Variants in GPM6A observed in about 807,000 individuals in gnomAD.
GPM6A encodes the protein glycoprotein M6A.
Under a neutral mutation model 32.1 loss-of-function variants are expected in GPM6A, and 7 were observed. The observed-to-expected ratio is 0.22, with a 90% CI of 0.12 to 0.41. The LOEUF is 0.41. GPM6A is among the 10% of genes least tolerant of loss of function. GPM6A has a pLI of 1.00. For synonymous variants in GPM6A, 130 were observed against 123.4 expected (o/e 1.05, Z -0.35); for missense variants, 235 against 347.2 (o/e 0.68, Z 2.57).
At chr4:175,906,219 G>A (rs1738127075) in intron 1 of GPM6A, among the ~76,000 whole-genome samples, 1 of 152,072 alleles carries the variant, frequency 6.6e-6, no homozygotes, top group African/African-American at 2.4e-5. Flanking sequence ...AAGATAGAAA[G>A]TCATCACTGA....
intron 1 of GPM6A, among the ~76,000 whole-genome samples, chr4:175,931,568 G>A (rs1029054116): frequency 1.3e-5 from 2 of 151,886 alleles, no homozygotes; most frequent in African/African-American, 4.8e-5. Context: ...CAAATGCTAT[G>A]TCCAGGGAAA....
At chr4:175,823,888 A>T (rs1228621435) in intron 1 of GPM6A, among the ~76,000 whole-genome samples, 1 of 152,190 alleles carries the variant, frequency 6.6e-6, no homozygotes. Context: ...AATGACTAAA[A>T]AGGCTGGGAG....
chr4:175,723,951 T>C (rs1212015933), intron 1 of GPM6A, among the ~76,000 whole-genome samples: 5 of 152,154 alleles, frequency 3.3e-5, no homozygotes, highest in Non-Finnish European at 7.3e-5. Context: ...GATCCAGCAA[T>C]CTCACTACTG....
intron 1 of GPM6A, among the ~76,000 whole-genome samples, chr4:175,765,706 A>G (rs1732936301): frequency 2.0e-5 from 3 of 152,210 alleles, no homozygotes; most frequent in Admixed American, 1.3e-4. Context: ...TACTATTAAA[A>G]TAAAAACCCA....
chr4:175,813,006 A>C, upstream of GPM6A: 2 of 984,590 alleles, frequency 2.0e-6, no homozygotes, highest in Non-Finnish European at 2.4e-6. Flanking sequence ...CAAAGGAGTG[A>C]GTATAAAGCT....
chr4:175,976,623 G>A (rs780221190), intron 1 of GPM6A, among the ~76,000 whole-genome samples: 3 of 152,158 alleles, frequency 2.0e-5, no homozygotes, highest in Non-Finnish European at 4.4e-5. Context: ...CTACAACAAA[G>A]AGGGCAAAGT....
At chr4:175,793,287 T>C (rs1734082437) in intron 1 of GPM6A, among the ~76,000 whole-genome samples, 1 of 152,224 alleles carries the variant, frequency 6.6e-6, no homozygotes, top group Non-Finnish European at 1.5e-5. Context: ...GTTGCCTGGA[T>C]ACCCACCGTC....
At chr4:175,774,542 C>T (rs1422927731) in intron 1 of GPM6A, among the ~76,000 whole-genome samples, 1 of 151,958 alleles carries the variant, frequency 6.6e-6, no homozygotes, top group Non-Finnish European at 1.5e-5. Context: ...TTTATTTTGG[C>T]ATAGAATCCA....
chr4:175,706,678 G>T (rs1345195590), intron 1 of GPM6A, among the ~76,000 whole-genome samples: 1 of 152,168 alleles, frequency 6.6e-6, no homozygotes, highest in East Asian at 1.9e-4. Flanking sequence ...TGTGTCAGAG[G>T]TGTTTAAACC....
chr4:175,648,650 A>T (rs541538086), intron 4 of GPM6A, among the ~76,000 whole-genome samples: 1 of 152,350 alleles, frequency 6.6e-6, no homozygotes, highest in East Asian at 1.9e-4. Flanking sequence ...AGGCCCTAGA[A>T]GCAGGAGCAG....
At chr4:175,931,325 C>G (rs1383631047) in intron 1 of GPM6A, among the ~76,000 whole-genome samples, 1 of 152,096 alleles carries the variant, frequency 6.6e-6, no homozygotes, top group Non-Finnish European at 1.5e-5. Flanking sequence ...TTCCCAGATG[C>G]TCTCTATATT....
chr4:175,836,869 T>A (rs1204284390), intron 1 of GPM6A, among the ~76,000 whole-genome samples: 1 of 152,176 alleles, frequency 6.6e-6, no homozygotes, highest in Non-Finnish European at 1.5e-5. Flanking sequence ...TTATCTGTTT[T>A]AAAATGGCTT....
At chr4:175,845,233 G>C (rs1289461861) in intron 1 of GPM6A, among the ~76,000 whole-genome samples, 1 of 152,012 alleles carries the variant, frequency 6.6e-6, no homozygotes, top group African/African-American at 2.4e-5. Flanking sequence ...TGAGATATAG[G>C]ATTTTGTTTC....
intron 1 of GPM6A, among the ~76,000 whole-genome samples, chr4:175,708,778 G>A (rs752652629): frequency 1.3e-5 from 2 of 152,162 alleles, no homozygotes; most frequent in Non-Finnish European, 2.9e-5. Context: ...AAGGTATAGG[G>A]ACATCAATAT....
In GPM6A at chr4:175,992,060, G is replaced by GCA. The variant is rs1554007513; in HGVS notation, c.-23+10247_-23+10248dup. On this transcript the variant is annotated intron_variant, in intron 1 of 7. Transcript: ENST00000280187. ...GAACCCCCTACACACAAACACACATGCACACACACACACACACACACACAC... is the reference window on the plus strand; with the variant it reads ...GAACCCCCTACACACAAACACACATGCACACACACACACACACACACACACAC... Among the ~76,000 whole-genome samples the GCA allele has an allele frequency of 2.7e-3, 369 of 137,146 alleles. 2 individuals are homozygous for GCA. Among genetic ancestry groups the GCA allele is most frequent in the African/African-American group, 9.6e-3 (347 of 36,188 alleles). 90.0% of individuals were successfully genotyped at this position (137,146 alleles called of 152,430 possible).
intron 1 of GPM6A, among the ~76,000 whole-genome samples, chr4:175,817,902 G>C (rs1002157564): frequency 1.3e-5 from 2 of 152,094 alleles, no homozygotes; most frequent in African/African-American, 4.8e-5. Flanking sequence ...AGAAGAAGAC[G>C]CTCCTAAGAC....
At chr4:175,998,196 C>T (rs914876331) in intron 1 of GPM6A, among the ~76,000 whole-genome samples, 13 of 151,768 alleles carry the variant, frequency 8.6e-5, no homozygotes, top group Non-Finnish European at 1.0e-4. Flanking sequence ...CTCTGTTGTC[C>T]AGGCTGGAGT....
At chr4:175,783,541 C>A (rs1251561597) in intron 1 of GPM6A, among the ~76,000 whole-genome samples, 1 of 151,758 alleles carries the variant, frequency 6.6e-6, no homozygotes, top group Non-Finnish European at 1.5e-5. Flanking sequence ...TTATTTGTGC[C>A]AAATTATATG....
chr4:175,768,916 T>C (rs1430040766), intron 1 of GPM6A, among the ~76,000 whole-genome samples: 1 of 151,914 alleles, frequency 6.6e-6, no homozygotes, highest in Middle Eastern at 3.2e-3. Flanking sequence ...GCCAACAAGG[T>C]GAAACTCCAT....
Sources: allele counts gnomAD v4.1 joint callset (sites outside exome capture counted in the v4.1 genomes callset), GRCh38; gene constraint gnomAD v4.1.1; transcripts MANE v1.5; gene names NCBI Gene and HGNC (gene_info 2026-07-23, HGNC 2026-07-21).